NAV3: variants seen among roughly 807,000 people sequenced by gnomAD.
NAV3 encodes pore membrane and/or filament interacting like protein 1.
A neutral mutation model predicts 244.7 loss-of-function variants in NAV3; 87 were observed. That is an observed-to-expected ratio of 0.36 (90% CI 0.30 to 0.42). The LOEUF (loss-of-function observed/expected upper bound fraction) is 0.42, where lower values mean the gene tolerates loss of function less well. Among genes scored for constraint, NAV3 ranks in the 20% least tolerant of loss-of-function variants. The pLI is 1.00. For missense variants in NAV3, 2,663 were observed against 2,893.3 expected (o/e 0.92, Z 1.83); for synonymous variants, 1,126 against 1,042.2 (o/e 1.08, Z -1.55).
chr12:77,819,501 A>T (rs1347473039), intron 2 of NAV3, among the ~76,000 whole-genome samples: 1 of 148,082 alleles, frequency 6.8e-6, no homozygotes, highest in Non-Finnish European at 1.5e-5. Context: ...ACTAAAATGT[A>T]GCTAGTGAAT....
chr12:77,737,070 T>C (rs1015248340), intron 2 of NAV3, among the ~76,000 whole-genome samples: 1 of 151,898 alleles, frequency 6.6e-6, no homozygotes, highest in African/African-American at 2.4e-5. Context: ...AAGAAAAATT[T>C]AGCACAATTC....
chr12:77,977,712 G>GCACACACACACACACACA (rs540138192), intron 5 of NAV3, among the ~76,000 whole-genome samples: 14 of 143,082 alleles, frequency 9.8e-5, no homozygotes, highest in African/African-American at 3.1e-4. Flanking sequence ...ACACACACGC[G>GCACACACACACACACACA]CACACACACA....
At position 77,998,416 on chromosome 12, in the gene NAV3, C is replaced by G; in HGVS notation, c.820C>G (p.Gln274Glu). The change falls in exon 7 of 40, where the codon CAG (glutamine) becomes GAG (glutamate). Residue 274 changes from glutamine (Q) to glutamate (E), a missense_variant. Physicochemically the swap from Gln to Glu is conservative, Grantham distance 29. Around this residue, in one of 6 missense-constraint regions of NAV3, gnomAD observed 1,521 missense variants for 1,497.0 expected, o/e 1.02. Coordinates refer to ENST00000397909, the MANE Select transcript of NAV3 (RefSeq NM_001024383.2). The part of the protein sequence containing the change: ...QGASNLNRRS[Q>E]SFNSIDKNKP... Reference sequence around the variant, plus strand: ...AGCCTCTAATTTAAATAGGAGAAGTCAGAGCTTTAACAGCATTGACAAAAA... The same window carrying G: ...AGCCTCTAATTTAAATAGGAGAAGTGAGAGCTTTAACAGCATTGACAAAAA... 1.2e-6 allele frequency: 2 copies of G among 1,612,122 alleles called. No homozygotes were observed. Among genetic ancestry groups the G allele is most frequent in the Non-Finnish European group, 8.5e-7 (1 of 1,179,036 alleles).
intron 18 of NAV3, 100 bp downstream of exon 18, chr12:78,128,966 A>G: frequency 8.7e-7 from 1 of 1,149,704 alleles, no homozygotes. Context: ...TTTCATTTAA[A>G]GGGAGGGATA....
intron 2 of NAV3, among the ~76,000 whole-genome samples, chr12:77,628,236 C>G (rs767072051): frequency 2.0e-5 from 3 of 152,108 alleles, no homozygotes; most frequent in Non-Finnish European, 4.4e-5. Flanking sequence ...ATATTGTATG[C>G]AGGTATTAAA....
intron 5 of NAV3, among the ~76,000 whole-genome samples, chr12:77,988,129 G>A (rs200123242): frequency 1.3e-5 from 2 of 152,162 alleles, no homozygotes; most frequent in Admixed American, 1.3e-4. Context: ...GTAGCACACA[G>A]TATCTCCAAT....
At chr12:77,777,868 C>G (rs1162003167) in intron 2 of NAV3, among the ~76,000 whole-genome samples, 1 of 151,218 alleles carries the variant, frequency 6.6e-6, no homozygotes, top group African/African-American at 2.4e-5. Context: ...TGCAGTGGCA[C>G]GATGTCAGCT....
intron 2 of NAV3, among the ~76,000 whole-genome samples, chr12:77,602,806 C>T (rs1000985861): frequency 4.6e-5 from 7 of 151,976 alleles, no homozygotes; most frequent in African/African-American, 1.7e-4. Flanking sequence ...TTCCCAATTC[C>T]CCAAGGGTCT....
chr12:77,681,040 T>C (rs1874429622), intron 2 of NAV3, among the ~76,000 whole-genome samples: 1 of 152,212 alleles, frequency 6.6e-6, no homozygotes. Flanking sequence ...TTTAACTTTT[T>C]CTGAAGTCAT....
At chr12:77,573,974 G>A (rs547669320) in intron 2 of NAV3, among the ~76,000 whole-genome samples, 7 of 152,200 alleles carry the variant, frequency 4.6e-5, no homozygotes, top group African/African-American at 9.6e-5. Flanking sequence ...ATGACACTTC[G>A]TTTACTAGGC....
chr12:77,919,066 G>GA (rs1340634102), intron 1 of NAV3, among the ~76,000 whole-genome samples: 1 of 151,904 alleles, frequency 6.6e-6, no homozygotes, highest in African/African-American at 2.4e-5. Context: ...GACCATATGA[G>GA]AAAAAATACT....
chr12:77,876,506 T>A (rs1174386775), intron 1 of NAV3, among the ~76,000 whole-genome samples: 2 of 152,116 alleles, frequency 1.3e-5, no homozygotes, highest in Admixed American at 6.6e-5. Context: ...CAATACTGCA[T>A]ACACATGTGC....
chr12:77,960,450 T>TATACAC (rs1195862670), intron 3 of NAV3, among the ~76,000 whole-genome samples: 1 of 144,354 alleles, frequency 6.9e-6, no homozygotes, highest in African/African-American at 2.6e-5. Context: ...TATATATATA[T>TATACAC]ACACACACAC....
In NAV3 at chr12:78,057,002, T is replaced by C. The variant is rs75918148; in HGVS notation, c.2517-1994T>C. On this transcript the variant is annotated intron_variant, in intron 11 of 39. Coordinates refer to ENST00000397909, the MANE Select transcript of NAV3 (RefSeq NM_001024383.2). ...CAGCATTCTGAGAATTCAAAATTTC[T>C]TGAAGCATGCGAAGGCTTATCTCTT... Among the ~76,000 whole-genome samples the C allele has an allele frequency of 1.3e-3, 195 of 152,306 alleles. 3 individuals carry two copies. The East Asian group carries it at 0.028, about 22-fold the overall frequency.
intron 2 of NAV3, 40 bp downstream of exon 2, chr12:77,940,476 C>A (rs1449332765): frequency 6.7e-7 from 1 of 1,499,080 alleles, no homozygotes; most frequent in Non-Finnish European, 9.2e-7. Context: ...AAAGTCTCTG[C>A]TCCCATCTCT....
chr12:78,127,063 A>G, intron 16 of NAV3, 104 bp from the exon 17 acceptor site: 1 of 1,098,448 alleles, frequency 9.1e-7, no homozygotes, highest in Non-Finnish European at 1.3e-6. Flanking sequence ...TATGTGTGTT[A>G]CCAAAAAATT....
At chr12:78,037,318 A>C (rs1233085745) in intron 9 of NAV3, 1 of 702,916 alleles carries the variant, frequency 1.4e-6, no homozygotes. Flanking sequence ...GGGACAGCTC[A>C]TCTGGATGAG....
At chr12:78,040,980 C>T (rs1301427943) in intron 9 of NAV3, among the ~76,000 whole-genome samples, 1 of 152,098 alleles carries the variant, frequency 6.6e-6, no homozygotes, top group Non-Finnish European at 1.5e-5. Flanking sequence ...CTTCATAGTT[C>T]TCTCAGATTA....
intron 12 of NAV3, among the ~76,000 whole-genome samples, chr12:78,114,291 A>C (rs1262423984): frequency 2.0e-5 from 3 of 152,164 alleles, no homozygotes; most frequent in Admixed American, 6.6e-5. Context: ...CCAGTTGCAA[A>C]GTTACTGCCA....
Sources: allele counts gnomAD v4.1 joint callset (sites outside exome capture counted in the v4.1 genomes callset), GRCh38; gene constraint gnomAD v4.1.1; regional missense constraint gnomAD v4.1.1; transcripts MANE v1.5; gene names NCBI Gene and HGNC (gene_info 2026-07-23, HGNC 2026-07-21).